Variants in YTHDC1 observed in about 807,000 individuals in gnomAD.
YTHDC1 encodes YTH domain-containing protein 1.
A neutral mutation model predicts 107.0 loss-of-function variants in YTHDC1; 12 were observed. The observed-to-expected ratio is 0.11, with a 90% CI of 0.07 to 0.18. The LOEUF is 0.18. Ranked by LOEUF, YTHDC1 falls within the 10% of genes least tolerant of loss-of-function variation. The pLI, the probability that YTHDC1 is intolerant of heterozygous loss-of-function variation, is 1.00. For missense variants in YTHDC1, 635 were observed against 898.8 expected (o/e 0.71, Z 3.75); for synonymous variants, 280 against 289.5 (o/e 0.97, Z 0.33).
At chr4:68,318,971 C>T in intron 12 of YTHDC1, 109 bp from the exon 13 acceptor site, 1 of 1,160,144 alleles carries the variant, frequency 8.6e-7, no homozygotes, top group South Asian at 1.3e-5. Context: ...GAAATATGTA[C>T]TTTAAGTGAT....
intron 12 of YTHDC1, 113 bp from the exon 13 acceptor site, chr4:68,318,975 A>T (rs1478064163): frequency 3.6e-6 from 4 of 1,097,296 alleles, no homozygotes; most frequent in Non-Finnish European, 5.4e-6. Flanking sequence ...TATGTACTTT[A>T]AGTGATGCTA....
chr4:68,333,470 C>A, intron 4 of YTHDC1, 73 bp from the exon 5 acceptor site: 2 of 1,075,538 alleles, frequency 1.9e-6, no homozygotes, highest in Admixed American at 2.1e-5. Context: ...AAGAATGTAT[C>A]ATTACATGTC....
chr4:68,337,256 ATCTTCTTCTACT>A lies in YTHDC1; in HGVS notation c.642_653del (p.Glu214_Glu217del). 1 of 1,598,992 alleles carries A rather than the reference ATCTTCTTCTACT, an allele frequency of 6.3e-7. No homozygotes were observed. Among genetic ancestry groups the A allele is most frequent in the Non-Finnish European group, 8.5e-7 (1 of 1,172,760 alleles). On this transcript the variant is annotated inframe_deletion, in exon 4 of 17. Coordinates refer to ENST00000344157, the MANE Select transcript of YTHDC1 (RefSeq NM_001031732.4). Reference sequence around the variant, plus strand: ...CATCCACCTCTTCATCTTCTTCTGCATCTTCTTCTACTTCTTCATCTTCCTCCACATCTTCTT... The same window carrying A: ...CATCCACCTCTTCATCTTCTTCTGCATCTTCATCTTCCTCCACATCTTCTT...
chr4:68,335,400 A>G (rs1016405881), intron 4 of YTHDC1, among the ~76,000 whole-genome samples: 4 of 152,154 alleles, frequency 2.6e-5, no homozygotes, highest in Non-Finnish European at 2.9e-5. Context: ...GAATAAACCT[A>G]GTCTAGTAAC....
chr4:68,344,391 AC>A (rs1725186729), intron 1 of YTHDC1, among the ~76,000 whole-genome samples: 2 of 152,294 alleles, frequency 1.3e-5, no homozygotes, highest in South Asian at 4.1e-4. Flanking sequence ...GTTTTAGTAT[AC>A]CGTATATAAT....
chr4:68,350,020 A>G lies in YTHDC1; in HGVS notation c.-267T>C, dbSNP rs1725937534. On this transcript the variant is annotated 5_prime_UTR_variant, in exon 1 of 17. Coordinates refer to ENST00000344157, the MANE Select transcript of YTHDC1 (RefSeq NM_001031732.4). ...GGCTAGGTATGGGGGAGGGAAGGGA[A>G]ACAGATGGCGACGGCGGGCGGCGCT... The G allele has an allele frequency of 7.1e-6, 4 of 561,104 alleles. No homozygotes were observed. The highest frequency in any genetic ancestry group is 1.3e-5 in the Non-Finnish European group (4 of 316,694). 34.8% of individuals were successfully genotyped at this position (561,104 alleles called of 1,614,324 possible).
intron 15 of YTHDC1, among the ~76,000 whole-genome samples, chr4:68,317,977 T>C (rs1722042707): frequency 6.6e-6 from 1 of 152,198 alleles, no homozygotes; most frequent in African/African-American, 2.4e-5. Context: ...CCAAGCGGAC[T>C]TTGCACTACT....
At chr4:68,338,452 C>G (rs1578065270) in intron 1 of YTHDC1, 68 bp from the exon 2 acceptor site, 2 of 1,251,656 alleles carry the variant, frequency 1.6e-6, no homozygotes, top group East Asian at 5.0e-5. Context: ...TGAGTACTTA[C>G]TAAGTGTGAG....
At chr4:68,349,584 T>A in intron 1 of YTHDC1, 142 bp downstream of exon 1, 3 of 1,354,448 alleles carry the variant, frequency 2.2e-6, no homozygotes, top group Non-Finnish European at 3.1e-6. Context: ...AGTCTAAGTG[T>A]CTCGGTGGGG....
rs1235768102 is a variant in YTHDC1 at position 68,322,143 on chromosome 4, A to G, written c.1601+606T>C. On this transcript the variant is annotated intron_variant, in intron 11 of 16. Coordinates refer to ENST00000344157, the MANE Select transcript of YTHDC1 (RefSeq NM_001031732.4). This position sits in a 1 kb window ranked among gnomAD's most constrained non-coding sequence, Gnocchi z 4.8. ...ACCTATTGTTTTCAGAAGCTCAGCAAGATGTGTGAATTCACTGGGTACATG... is the reference window on the plus strand; with the variant it reads ...ACCTATTGTTTTCAGAAGCTCAGCAGGATGTGTGAATTCACTGGGTACATG... Among the ~76,000 whole-genome samples the G allele has an allele frequency of 6.6e-6, 1 of 152,206 alleles. No homozygotes were observed. Among genetic ancestry groups the G allele is most frequent in the Non-Finnish European group, 1.5e-5 (1 of 68,034 alleles).
rs1722288236 is a variant in YTHDC1, at chr4:68,320,108, T to G, written c.1684+15A>C. 6.4e-7 allele frequency: 1 copy of G among 1,570,144 alleles called. No individual in the cohort carries two copies. The highest frequency in any genetic ancestry group is 1.4e-5 in the African/African-American group (1 of 72,870). ...AATTTGAAATCAAATATCTGCAGGA[T>G]TATAAAATATTAACCTGGTCTCTGG... is the stretch of plus-strand genomic sequence containing the variant. On this transcript the variant is annotated intron_variant, in intron 12 of 16. Transcript: ENST00000344157.
At position 68,329,908 on chromosome 4, in the gene YTHDC1, A is replaced by G. The variant is rs576793736; in HGVS notation, c.1349+94T>C. ...AAAGGTAGTTACTGAACAAGGTAAG[A>G]TAAGTATACAGTGACTTTTTCACTT... On this transcript the variant is annotated intron_variant, in intron 9 of 16. Transcript: ENST00000344157. 3.0e-4 allele frequency: 263 copies of G among 890,088 alleles called. 2 individuals are homozygous for G. The South Asian group carries it at 3.1e-3, about 11-fold the overall frequency. The allele number at this position is 890,088 out of a possible 1,614,324, so 55.1% of individuals were successfully genotyped here.
At position 68,348,290 on chromosome 4, in the gene YTHDC1, C is replaced by T. The variant is rs1725669922; in HGVS notation, c.28+1436G>A. On this transcript the variant is annotated intron_variant, in intron 1 of 16. Coordinates refer to ENST00000344157, the MANE Select transcript of YTHDC1 (RefSeq NM_001031732.4). ...ACTCATTTTTGTGTTTGGTTCATTT[C>T]GCCCACCACAACCACTACAGACTCC... Among the ~76,000 whole-genome samples, 9 of 152,200 alleles carry T rather than the reference C, an allele frequency of 5.9e-5. No homozygotes were observed. The South Asian group carries it at 1.9e-3, about 32-fold the overall frequency.
At chr4:68,319,691 C>T (rs1010042041) in intron 12 of YTHDC1, among the ~76,000 whole-genome samples, 3 of 151,932 alleles carry the variant, frequency 2.0e-5, no homozygotes, top group South Asian at 2.1e-4. Context: ...GATTACATAC[C>T]GAGTATTTCC....
chr4:68,314,231 T>A lies in YTHDC1; in HGVS notation c.2052A>T (p.Glu684Asp), dbSNP rs760526657. Reference protein sequence around the residue: ...RRSRPRERDRERERDRPRDNR... With the variant: ...RRSRPRERDRDRERDRPRDNR... The stretch of plus-strand genomic sequence containing the variant: ...TATCTCTAGGGCGGTCTCGCTCTCG[T>A]TCCCGGTCTCTTTCACGGGGTCTAC... The change falls in exon 17 of 17, where the codon GAA becomes GAT. Residue 684 changes from glutamate to aspartate, a missense_variant. Physicochemically the swap from Glu to Asp is conservative, Grantham distance 45. Transcript: ENST00000344157. The A allele has an allele frequency of 5.0e-6, 8 of 1,613,764 alleles. No homozygotes were observed. The highest frequency in any genetic ancestry group is 6.8e-6 in the Non-Finnish European group (8 of 1,179,920).
rs1017258163 is a variant in YTHDC1 at position 68,310,860 on chromosome 4, T to C, written c.*3239A>G. The C allele has an allele frequency of 4.6e-5, 7 of 152,168 alleles. No homozygotes were observed. Among genetic ancestry groups the C allele is most frequent in the African/African-American group, 2.4e-5 (1 of 41,428 alleles). 9.4% of individuals were successfully genotyped at this position (152,168 alleles called of 1,614,324 possible). A position where few individuals can be genotyped will look rare whatever the true frequency, so the allele number is the denominator to read the frequency against. ...ACATTATGACAAGACAGGATGTATG[T>C]GACCCTCAGAAAGACCACGACATTC... On this transcript the variant is annotated 3_prime_UTR_variant, in exon 17 of 17. Coordinates refer to ENST00000344157, the MANE Select transcript of YTHDC1 (RefSeq NM_001031732.4).
At chr4:68,326,296 C>T (rs1337452270) in intron 9 of YTHDC1, among the ~76,000 whole-genome samples, 3 of 152,128 alleles carry the variant, frequency 2.0e-5, no homozygotes, top group Non-Finnish European at 4.4e-5. Flanking sequence ...TGTTTCAACA[C>T]AGTTAATCTC....
Position 68,322,642 on chromosome 4 carries a change from AT to A in YTHDC1, c.1601+106del. On this transcript the variant is annotated intron_variant, in intron 11 of 16. Transcript: ENST00000344157. This position sits in a 1 kb window ranked among gnomAD's most constrained non-coding sequence, Gnocchi z 4.8. ...CTAGTCCATGCAGCTTGATTTGAGG[AT>A]TTTCTCTTTCTTCTTTACCGCAGGA... 1 of 1,358,346 alleles carries A rather than the reference AT, an allele frequency of 7.4e-7. No homozygotes were observed. The highest frequency in any genetic ancestry group is 9.9e-7 in the Non-Finnish European group (1 of 1,010,502). 84.1% of individuals were successfully genotyped at this position (1,358,346 alleles called of 1,614,324 possible).
intron 16 of YTHDC1, 112 bp downstream of exon 16, chr4:68,316,202 C>T (rs1429357229): frequency 1.7e-6 from 2 of 1,200,414 alleles, no homozygotes; most frequent in Non-Finnish European, 1.1e-6. Context: ...AAACAGTCTG[C>T]AGTAAGAATA....
Sources: gnomAD v4.1 joint callset for allele counts (sites outside exome capture counted in the v4.1 genomes callset) on GRCh38, gnomAD v4.1.1 for gene constraint, Gnocchi (gnomAD v3.1) non-coding constraint, MANE v1.5 for transcripts, NCBI Gene and HGNC (gene_info 2026-07-23, HGNC 2026-07-21) for gene names.